Variants in TTC28 observed in about 807,000 individuals in gnomAD.
The protein encoded by TTC28 is tetratricopeptide repeat domain 28.
TTC28 carries 61 observed loss-of-function variants against 198.0 expected under a neutral mutation model. The observed-to-expected ratio is 0.31, with a 90% confidence interval of 0.25 to 0.38. The LOEUF (loss-of-function observed/expected upper bound fraction) is 0.38, where lower values mean the gene tolerates loss of function less well. Among genes scored for constraint, TTC28 ranks in the 10% least tolerant of loss-of-function variants. The pLI is 1.00. For synonymous variants in TTC28, 1,171 were observed against 1,297.8 expected (o/e 0.90, Z 2.10); for missense variants, 2,678 against 3,164.0 (o/e 0.85, Z 3.69).
chr22:28,017,618 G>C lies in TTC28; in HGVS notation c.4074-3226C>G, dbSNP rs577075997. Among the ~76,000 whole-genome samples, 5 of 152,292 alleles carry C rather than the reference G, an allele frequency of 3.3e-5. 1 individual carries two copies. Among genetic ancestry groups the C allele is most frequent in the African/African-American group, 1.2e-4 (5 of 41,562 alleles). On this transcript the variant is annotated intron_variant, in intron 13 of 22. Transcript: ENST00000397906. Reference sequence around the variant, plus strand: ...GAGGAGTCATGCGGACAGAGGGCTGGGGATGCAGGCCGAAGAAGAAAGTGG... The same window carrying C: ...GAGGAGTCATGCGGACAGAGGGCTGCGGATGCAGGCCGAAGAAGAAAGTGG...
chr22:27,982,321 C>T lies in TTC28; in HGVS notation c.7346G>A (p.Gly2449Asp), dbSNP rs1937048018. Residue 2449 changes from glycine (G) to aspartate (D), a missense_variant, in exon 23 of 23, where the codon GGC becomes GAC. Physicochemically the swap from Gly to Asp is moderately conservative, Grantham distance 94. Around this residue, in one of 8 missense-constraint regions of TTC28, gnomAD observed 622 missense variants for 656.0 expected, o/e 0.95. Transcript: ENST00000397906. The surrounding 1 kb of genome is among the most constrained non-coding windows in gnomAD (Gnocchi z 5.2). ...TSLGSLPLPA[G>D]PPATAPARPL... is the part of the protein sequence containing the mutation. ...GCGCGCGGGGGCTGTGGCGGGAGGG[C>T]CGGCGGGCAGCGGCAGTGAGCCCAG... 18 of 1,527,086 alleles carry T rather than the reference C, an allele frequency of 1.2e-5. No individual in the cohort carries two copies. Among genetic ancestry groups the T allele is most frequent in the Non-Finnish European group, 1.6e-5 (18 of 1,133,762 alleles). The allele number at this position is 1,527,086 out of a possible 1,614,324, so 94.6% of individuals were successfully genotyped here.
intron 15 of TTC28, 49 bp downstream of exon 15, chr22:28,001,325 G>A (rs1314206572): frequency 3.6e-5 from 55 of 1,521,084 alleles, no homozygotes; most frequent in South Asian, 7.3e-5. Flanking sequence ...ACGGTGCCTC[G>A]TGACCCGAAA....
At chr22:28,347,482 T>C (rs547107171) in intron 2 of TTC28, among the ~76,000 whole-genome samples, 1 of 152,248 alleles carries the variant, frequency 6.6e-6, no homozygotes, top group African/African-American at 2.4e-5. Flanking sequence ...ACAATATAGA[T>C]ATATAAGCGC....
At chr22:28,243,355 TCAAAACAAAACAAAA>T (rs377564604) in intron 5 of TTC28, among the ~76,000 whole-genome samples, 1 of 150,720 alleles carries the variant, frequency 6.6e-6, no homozygotes. Flanking sequence ...AGACCCCGTC[TCAAAACAAAACAAAA>T]CAAAACAAAA....
intron 1 of TTC28, among the ~76,000 whole-genome samples, chr22:28,633,002 G>GGGCA (rs2051204098): frequency 6.6e-6 from 1 of 151,766 alleles, no homozygotes; most frequent in African/African-American, 2.4e-5. Context: ...TTGCAAGGTA[G>GGGCA]GGCACCGTGG....
At chr22:28,570,619 T>C (rs902085596) in intron 2 of TTC28, among the ~76,000 whole-genome samples, 1 of 152,142 alleles carries the variant, frequency 6.6e-6, no homozygotes, top group Non-Finnish European at 1.5e-5. Context: ...ACCTAGGTGA[T>C]GAAATAATCT....
chr22:28,271,584 T>C (rs913576384), intron 5 of TTC28, among the ~76,000 whole-genome samples: 4 of 152,064 alleles, frequency 2.6e-5, no homozygotes, highest in Non-Finnish European at 4.4e-5. Context: ...ACTGTTCTTG[T>C]GATAGTGAAT....
intron 6 of TTC28, among the ~76,000 whole-genome samples, chr22:28,133,255 T>C (rs763162212): frequency 2.0e-5 from 3 of 152,116 alleles, no homozygotes; most frequent in Non-Finnish European, 2.9e-5. Flanking sequence ...AGTTCCAAGA[T>C]GGCCAAATAG....
At chr22:28,198,325 G>A (rs904649735) in intron 5 of TTC28, among the ~76,000 whole-genome samples, 1 of 151,990 alleles carries the variant, frequency 6.6e-6, no homozygotes, top group Admixed American at 6.6e-5. Flanking sequence ...ATTGCCAAAT[G>A]TGCCCCAGAG....
At chr22:28,026,023 C>T (rs1938817451) in intron 13 of TTC28, among the ~76,000 whole-genome samples, 1 of 152,226 alleles carries the variant, frequency 6.6e-6, no homozygotes. Flanking sequence ...ACACTTTCTT[C>T]CCCGCACCTT....
chr22:28,638,279 A>G (rs908716877), intron 1 of TTC28, among the ~76,000 whole-genome samples: 2 of 152,164 alleles, frequency 1.3e-5, no homozygotes, highest in African/African-American at 2.4e-5. Context: ...GATTATTCAA[A>G]TGATATATAA....
chr22:28,041,111 T>G (rs1377903862), intron 12 of TTC28, among the ~76,000 whole-genome samples: 1 of 152,206 alleles, frequency 6.6e-6, no homozygotes, highest in Non-Finnish European at 1.5e-5. Flanking sequence ...GAACATTCCA[T>G]GCTCATGGAT....
chr22:28,197,263 G>T (rs1925453001), intron 5 of TTC28, among the ~76,000 whole-genome samples: 1 of 132,014 alleles, frequency 7.6e-6, no homozygotes, highest in Admixed American at 8.2e-5. Flanking sequence ...ACACACCGGG[G>T]ACTGTTGTGG....
chr22:28,069,239 C>T (rs978556495), intron 12 of TTC28, among the ~76,000 whole-genome samples: 7 of 152,142 alleles, frequency 4.6e-5, no homozygotes, highest in Admixed American at 6.6e-5. Context: ...TTAAGGCCGA[C>T]GTTTGTATTC....
chr22:28,371,681 C>T (rs2046339605), intron 2 of TTC28, among the ~76,000 whole-genome samples: 1 of 128,216 alleles, frequency 7.8e-6, no homozygotes, highest in East Asian at 2.4e-4. Flanking sequence ...CTCCCAGGTT[C>T]AAGCGATTCT....
chr22:28,670,867 T>C (rs1419808726), intron 1 of TTC28, among the ~76,000 whole-genome samples: 1 of 151,950 alleles, frequency 6.6e-6, no homozygotes, highest in East Asian at 1.9e-4. Context: ...CAGTACTTGT[T>C]ATTGTCTATC....
Position 28,647,013 on chromosome 22 carries a change from T to A in TTC28, c.103-17183A>T, listed in dbSNP as rs545675884. Among the ~76,000 whole-genome samples, 6 of 152,338 alleles carry A rather than the reference T, an allele frequency of 3.9e-5. No individual in the cohort carries two copies. The East Asian group carries it at 1.2e-3, about 29-fold the overall frequency. On this transcript the variant is annotated intron_variant, in intron 1 of 22. Coordinates refer to ENST00000397906, the MANE Select transcript of TTC28 (RefSeq NM_001145418.2). The stretch of plus-strand genomic sequence containing the variant: ...TAAGACTGTACTAACTGGAATGGCA[T>A]GGTACTGGTATAAAAGTAGACACAT...
At chr22:28,018,314 G>GC (rs1189320234) in intron 13 of TTC28, among the ~76,000 whole-genome samples, 2 of 145,910 alleles carry the variant, frequency 1.4e-5, no homozygotes, top group Non-Finnish European at 3.0e-5. Flanking sequence ...CGCGGGGGGG[G>GC]GGGCGGGGAA....
chr22:28,606,208 C>T (rs71316850), intron 2 of TTC28, among the ~76,000 whole-genome samples: 3,652 of 152,024 alleles, frequency 0.024, 69 homozygotes, highest in Non-Finnish European at 0.037. Flanking sequence ...CTCAGCCTCC[C>T]GAGTAGCTGG....
Sources: allele counts gnomAD v4.1 joint callset (sites outside exome capture counted in the v4.1 genomes callset), GRCh38; gene constraint gnomAD v4.1.1; regional missense constraint gnomAD v4.1.1; non-coding constraint Gnocchi (gnomAD v3.1); transcripts MANE v1.5; gene names NCBI Gene and HGNC (gene_info 2026-07-23, HGNC 2026-07-21).